Variants in ZYG11A observed in about 807,000 individuals in gnomAD.
ZYG11A encodes protein zyg-11 homolog A.
A neutral mutation model predicts 77.2 loss-of-function variants in ZYG11A; 62 were observed. That is an observed-to-expected ratio of 0.80 (90% confidence interval 0.65 to 0.99). The LOEUF (loss-of-function observed/expected upper bound fraction) is 0.99. Among genes scored for constraint, ZYG11A ranks in the 50% least tolerant of loss-of-function variants. The probability of loss-of-function intolerance (pLI) is 0.00; values close to 1 mark genes in which losing one functional copy is unlikely to be tolerated. For synonymous variants in ZYG11A, 315 were observed against 324.6 expected (o/e 0.97, Z 0.32); for missense variants, 828 against 896.8 (o/e 0.92, Z 0.98).
At chr1:52,861,712 T>C (rs1205080309) in intron 4 of ZYG11A, among the ~76,000 whole-genome samples, 1 of 151,954 alleles carries the variant, frequency 6.6e-6, no homozygotes, top group Non-Finnish European at 1.5e-5. Flanking sequence ...AAAATATTTT[T>C]ACAGCATGGG....
At chr1:52,875,440 C>T (rs1646244164) in intron 8 of ZYG11A, among the ~76,000 whole-genome samples, 1 of 152,168 alleles carries the variant, frequency 6.6e-6, no homozygotes, top group African/African-American at 2.4e-5. Context: ...GAGAAGTTGA[C>T]ACCACAAGCA....
rs1557433789 is a variant in ZYG11A at position 52,857,294 on chromosome 1, A to G, written c.553A>G (p.Ile185Val). The G allele has an allele frequency of 6.4e-7, 1 of 1,552,018 alleles. No individual in the cohort carries two copies. Among genetic ancestry groups the G allele is most frequent in the Non-Finnish European group, 8.7e-7 (1 of 1,147,096 alleles). ...LFFSQLTGLRILSVFNVCFHT... is the reference protein window; with the variant it reads ...LFFSQLTGLRVLSVFNVCFHT... ...CTTTAGTCAGCTCACTGGTCTTCGC[A>G]TTTTAAGTGTTTTTAATGTTTGTTT... is the stretch of plus-strand genomic sequence containing the variant. Residue 185 changes from isoleucine to valine, a missense_variant, in exon 3 of 14, where the codon ATT becomes GTT. Physicochemically the swap from Ile to Val is conservative, Grantham distance 29 (BLOSUM62 3). Transcript: ENST00000371528.
chr1:52,862,202 C>G (rs926456978), intron 4 of ZYG11A, among the ~76,000 whole-genome samples: 1 of 151,168 alleles, frequency 6.6e-6, no homozygotes, highest in African/African-American at 2.4e-5. Context: ...GAGCAAGACT[C>G]TGTCTCAAAA....
chr1:52,858,377 CA>C (rs1202868506), intron 3 of ZYG11A, among the ~76,000 whole-genome samples: 16 of 140,978 alleles, frequency 1.1e-4, no homozygotes, highest in Admixed American at 2.8e-4. Context: ...AACGCAGTCT[CA>C]AAAAAAAAAG....
intron 8 of ZYG11A, among the ~76,000 whole-genome samples, chr1:52,872,619 G>A (rs1308675141): frequency 2.0e-5 from 3 of 150,336 alleles, no homozygotes; most frequent in Non-Finnish European, 4.4e-5. Flanking sequence ...GGTGGCTCAC[G>A]CCTGCAATCC....
chr1:52,858,445 A>G (rs991550420), intron 3 of ZYG11A, among the ~76,000 whole-genome samples: 1 of 151,162 alleles, frequency 6.6e-6, no homozygotes, highest in Non-Finnish European at 1.5e-5. Flanking sequence ...AGCTGGGACT[A>G]CAGGCACGTG....
chr1:52,856,520 C>CAGATGAGGAAAATGAGGCCCAGAG (rs1645815979), intron 2 of ZYG11A, among the ~76,000 whole-genome samples: 1 of 150,696 alleles, frequency 6.6e-6, no homozygotes, highest in Non-Finnish European at 1.5e-5. Context: ...ATTCGTTTTA[C>CAGATGAGGAAAATGAGGCCCAGAG]AGATGAGGAA....
chr1:52,878,047 A>G, intron 10 of ZYG11A, 78 bp downstream of exon 10: 1 of 1,215,306 alleles, frequency 8.2e-7, no homozygotes. Context: ...ACTATATGCT[A>G]GGCAGTATTG....
At chr1:52,853,696 T>C (rs1645756061) in intron 1 of ZYG11A, among the ~76,000 whole-genome samples, 1 of 152,072 alleles carries the variant, frequency 6.6e-6, no homozygotes, top group South Asian at 2.1e-4. Flanking sequence ...GATCTCTTGA[T>C]ACCATGAGTT....
At position 52,864,048 on chromosome 1, in the gene ZYG11A, C is replaced by T. The variant is rs1046426521; in HGVS notation, c.1217C>T (p.Ala406Val). 2.6e-6 allele frequency: 4 copies of T among 1,551,720 alleles called. No homozygotes were observed. In the African/African-American group the frequency reaches 5.5e-5, roughly 21 times the overall value. Reference sequence around the variant, plus strand: ...GTGCAGTTCACAGCCAGTGCTTGCGCTCTCAACCTAACACGCCAGGGCCTG... The same window carrying T: ...GTGCAGTTCACAGCCAGTGCTTGCGTTCTCAACCTAACACGCCAGGGCCTG... ...LRVQFTASAC[A>V]LNLTRQGLAK... The change falls in exon 5 of 14, where the codon GCT (alanine) becomes GTT (valine). Residue 406 changes from alanine to valine, a missense_variant. Ala to Val is a moderately conservative substitution (Grantham distance 64). Coordinates refer to ENST00000371528, the MANE Select transcript of ZYG11A (RefSeq NM_001004339.3).
chr1:52,846,367 T>TATATATATATATATATA (rs1174758541), intron 1 of ZYG11A, among the ~76,000 whole-genome samples: 1 of 122,646 alleles, frequency 8.2e-6, no homozygotes, highest in Non-Finnish European at 1.7e-5. Flanking sequence ...TATATATATA[T>TATATATATATATATATA]TTTGAAACAG....
chr1:52,873,835 C>T (rs6667979), intron 8 of ZYG11A, among the ~76,000 whole-genome samples: 73,653 of 151,430 alleles, frequency 0.49, 19,124 homozygotes, highest in Non-Finnish European at 0.59. Flanking sequence ...ACTACAAAAA[C>T]TAGCCAGGTG....
At chr1:52,881,362 A>G in intron 10 of ZYG11A, 109 bp from the exon 11 acceptor site, 1 of 743,204 alleles carries the variant, frequency 1.3e-6, no homozygotes, top group Non-Finnish European at 2.2e-6. Flanking sequence ...GTATAAGAAT[A>G]AGAGTTCTGA....
chr1:52,860,405 C>T (rs1327188267), intron 3 of ZYG11A, among the ~76,000 whole-genome samples: 1 of 152,160 alleles, frequency 6.6e-6, no homozygotes, highest in Non-Finnish European at 1.5e-5. Flanking sequence ...TCTTTACTTT[C>T]TCTCAGCATA....
intron 11 of ZYG11A, among the ~76,000 whole-genome samples, chr1:52,882,177 G>A (rs1646375437): frequency 6.6e-6 from 1 of 152,180 alleles, no homozygotes; most frequent in African/African-American, 2.4e-5. Context: ...ACAGGCATGA[G>A]CCATCGCGCC....
chr1:52,890,071 C>CT (rs1204076933), intron 13 of ZYG11A, among the ~76,000 whole-genome samples: 15 of 87,780 alleles, frequency 1.7e-4, no homozygotes, highest in South Asian at 8.3e-4. Context: ...TTTTTTTTTT[C>CT]TTTTTTTTAA....
intron 10 of ZYG11A, 62 bp from the exon 11 acceptor site, chr1:52,881,409 C>G: frequency 7.8e-7 from 1 of 1,274,368 alleles, no homozygotes; most frequent in Non-Finnish European, 1.1e-6. Flanking sequence ...GGGAAAAAAG[C>G]CAATTCCTGA....
chr1:52,861,938 A>G (rs1038372830), intron 4 of ZYG11A, among the ~76,000 whole-genome samples: 6 of 152,016 alleles, frequency 3.9e-5, no homozygotes, highest in Non-Finnish European at 8.8e-5. Context: ...GCTGGGCACC[A>G]TGGCTCACGC....
intron 11 of ZYG11A, among the ~76,000 whole-genome samples, chr1:52,884,211 G>T (rs1027046371): frequency 6.6e-6 from 1 of 151,564 alleles, no homozygotes; most frequent in Non-Finnish European, 1.5e-5. Context: ...AATTAGCTGG[G>T]CGTGGCCGGG....
Sources: gnomAD v4.1 joint callset for allele counts (sites outside exome capture counted in the v4.1 genomes callset) on GRCh38, gnomAD v4.1.1 for gene constraint, MANE v1.5 for transcripts, NCBI Gene and HGNC (gene_info 2026-07-23, HGNC 2026-07-21) for gene names.